The following MASP1 variants were observed in gnomAD, a reference collection of about 807,000 sequenced individuals.
MASP1 encodes mannan-binding lectin serine protease 1.
MASP1 carries 59 observed loss-of-function variants against 77.1 expected under a neutral mutation model. The observed-to-expected ratio is 0.77, with a 90% CI of 0.62 to 0.95. The LOEUF (loss-of-function observed/expected upper bound fraction) is 0.95, where lower values mean the gene tolerates loss of function less well. Ranked by LOEUF, MASP1 falls within the 40% of genes least tolerant of loss-of-function variation. The pLI is 0.00. For synonymous variants in MASP1, 362 were observed against 354.5 expected (o/e 1.02, Z -0.24); for missense variants, 885 against 912.9 (o/e 0.97, Z 0.39).
chr3:187,291,691 G>A lies in MASP1; in HGVS notation c.-59C>T. 1 of 1,609,874 alleles carries A rather than the reference G, an allele frequency of 6.2e-7. No homozygotes were observed. On this transcript the variant is annotated 5_prime_UTR_variant, in exon 1 of 11. Transcript: ENST00000296280. ...TTGGTCCTCCCAGCTTGACTTGCCT[G>A]TGAGCTCGTGCCCGGTGTGGTGTCC...
chr3:187,226,203 T>A (rs773466143), intron 12 of MASP1: 2 of 592,572 alleles, frequency 3.4e-6, no homozygotes, highest in Non-Finnish European at 6.1e-6. Context: ...AACTGAAGCA[T>A]AGACTTCAAT....
chr3:187,219,997 G>A, exon 16 of MASP1: 1 of 1,507,472 alleles, frequency 6.6e-7, no homozygotes. Flanking sequence ...AGGAGAAATG[G>A]CTGCTTTCAT....
At chr3:187,225,557 G>T (rs1712375823) in intron 12 of MASP1, 1 of 1,594,330 alleles carries the variant, frequency 6.3e-7, no homozygotes, top group African/African-American at 1.3e-5. Context: ...GGAGGATAAG[G>T]TCACACCTTG....
chr3:187,250,249 A>G lies in MASP1; in HGVS notation c.1090+2T>C. ...TTATAACAACCCATTAGGCTTTCTT[A>G]CTTTTACAGGTGGGAATCTTGTTAC... On this transcript the variant is annotated splice_donor_variant, in intron 8 of 10. Transcript: ENST00000296280. LOFTEE classifies it high-confidence loss of function. 6.2e-7 allele frequency: 1 copy of G among 1,612,712 alleles called. No individual in the cohort carries two copies. Among genetic ancestry groups the G allele is most frequent in the Non-Finnish European group, 8.5e-7 (1 of 1,178,832 alleles).
At chr3:187,253,493 A>C (rs932521149) in intron 5 of MASP1, among the ~76,000 whole-genome samples, 178 bp from the exon 6 acceptor site, 2 of 152,100 alleles carry the variant, frequency 1.3e-5, no homozygotes, top group Non-Finnish European at 2.9e-5. Flanking sequence ...TTTCATCTTC[A>C]TTCTCTCTTT....
chr3:187,238,448 G>A lies in MASP1; in HGVS notation c.1304-1881C>T, dbSNP rs536695378. 5.0e-4 allele frequency among the ~76,000 whole-genome samples: 76 copies of A among 152,302 alleles called. 2 individuals are homozygous for A. The highest frequency in any genetic ancestry group is 1.7e-3 in the African/African-American group (71 of 41,564). On this transcript the variant is annotated intron_variant, in intron 10 of 10. Coordinates refer to ENST00000296280, the MANE Select transcript of MASP1 (RefSeq NM_139125.4). ...AGGCTGAATGATTCAACAAGCTCTT[G>A]GGAGAGCTCATTGAAATGGGGTCAT...
At chr3:187,243,741 G>T in intron 8 of MASP1, 120 bp from the exon 9 acceptor site, 1 of 1,276,930 alleles carries the variant, frequency 7.8e-7, no homozygotes, top group Non-Finnish European at 1.1e-6. Context: ...AGAAAGCAAT[G>T]TTATAATGCC....
Position 187,285,959 on chromosome 3 carries a change from C to T in MASP1, c.103G>A (p.Gly35Ser), listed in dbSNP as rs377441732. 2 of 1,614,068 alleles carry T rather than the reference C, an allele frequency of 1.2e-6. No homozygotes were observed. ...NNMFGQIQSP[G>S]YPDSYPSDSE... ...TCACTGGGATAGGAGTCTGGATAACCAGGCGACTGGATCTGGCCAAACATA... is the reference window on the plus strand; with the variant it reads ...TCACTGGGATAGGAGTCTGGATAACTAGGCGACTGGATCTGGCCAAACATA... Residue 35 changes from glycine (G) to serine (S), a missense_variant, in exon 2 of 11, where the codon GGT (glycine) becomes AGT (serine). Coordinates refer to ENST00000296280, the MANE Select transcript of MASP1 (RefSeq NM_139125.4).
At chr3:187,282,458 C>T (rs1047481564) in intron 2 of MASP1, among the ~76,000 whole-genome samples, 1 of 147,972 alleles carries the variant, frequency 6.8e-6, no homozygotes, top group Non-Finnish European at 1.5e-5. Context: ...GATCCCGCCA[C>T]TGCACTCCAG....
In MASP1 at chr3:187,243,637, T is replaced by C. The variant is rs1713841238; in HGVS notation, c.1091-16A>G. On this transcript the variant is annotated splice_polypyrimidine_tract_variant and intron_variant, in intron 8 of 10. Transcript: ENST00000296280. Reference sequence around the variant, plus strand: ...CAGTCTACAACTGAGAGAGAAGAAGTGAGACCCCTCAACTGCCTTTTGCTC... The same window carrying C: ...CAGTCTACAACTGAGAGAGAAGAAGCGAGACCCCTCAACTGCCTTTTGCTC... The C allele has an allele frequency of 6.2e-7, 1 of 1,613,938 alleles. No homozygotes were observed. Among genetic ancestry groups the C allele is most frequent in the Non-Finnish European group, 8.5e-7 (1 of 1,180,022 alleles).
chr3:187,224,660 A>T (rs1712298683), intron 13 of MASP1, among the ~76,000 whole-genome samples: 1 of 152,136 alleles, frequency 6.6e-6, no homozygotes, highest in South Asian at 2.1e-4. Context: ...CTGAGTATTA[A>T]GCCATTGTCC....
At position 187,236,511 on chromosome 3, in the gene MASP1, G is replaced by A. The variant is rs1713199524; in HGVS notation, c.1360C>T (p.Arg454Ter). Residue 454 changes from arginine to a stop codon, truncating the protein, a stop_gained, in exon 11 of 11, where the codon CGA (arginine) becomes TGA (stop). Coordinates refer to ENST00000296280, the MANE Select transcript of MASP1 (RefSeq NM_139125.4). LOFTEE classifies it high-confidence loss of function. ...PSLVKRIIGG[R>*]NAEPGLFPWQ... ...GGGAAGAGGCCAGGCTCAGCATTTC[G>A]GCCCCCAATGATCCTCTTGACCAGG... The A allele has an allele frequency of 4.3e-6, 7 of 1,613,814 alleles. No individual in the cohort carries two copies. The highest frequency in any genetic ancestry group is 2.2e-5 in the East Asian group (1 of 44,872).
At chr3:187,233,734 A>G (rs860348), downstream of MASP1, among the ~76,000 whole-genome samples, 1 of 152,234 alleles carries the variant, frequency 6.6e-6, no homozygotes, top group African/African-American at 2.4e-5. Context: ...GACAAGGTCC[A>G]TGTGCCACTG....
intron 2 of MASP1, among the ~76,000 whole-genome samples, chr3:187,271,573 A>C (rs951633236): frequency 6.6e-6 from 1 of 152,240 alleles, no homozygotes; most frequent in Admixed American, 6.5e-5. Context: ...CCTATGTTGA[A>C]AGTACGCATT....
chr3:187,277,203 T>C (rs937110054), intron 2 of MASP1, among the ~76,000 whole-genome samples: 5 of 152,128 alleles, frequency 3.3e-5, no homozygotes, highest in South Asian at 4.2e-4. Flanking sequence ...TCAGCAGCTG[T>C]TTTCTAGGCC....
rs145895854 is a variant in MASP1, at chr3:187,252,923, A to T, written c.892+245T>A. 2.3e-4 allele frequency among the ~76,000 whole-genome samples: 35 copies of T among 152,344 alleles called. No individual in the cohort carries two copies. In the East Asian group the frequency reaches 6.7e-3, roughly 29 times the overall value. The stretch of plus-strand genomic sequence containing the variant: ...TCTTTTTCTTTAATCTCTCTATGCG[A>T]TACTGAAGTACATGTTTTGAAAACC... On this transcript the variant is annotated intron_variant, in intron 6 of 10. Transcript: ENST00000296280.
intron 2 of MASP1, among the ~76,000 whole-genome samples, chr3:187,279,121 A>G (rs1366265966): frequency 6.6e-6 from 1 of 152,228 alleles, no homozygotes; most frequent in Non-Finnish European, 1.5e-5. Flanking sequence ...TTAAATACAG[A>G]GGGATATTCT....
exon 16 of MASP1, chr3:187,220,248 G>T: frequency 6.2e-7 from 1 of 1,614,086 alleles, no homozygotes; most frequent in Non-Finnish European, 8.5e-7. Context: ...CACCCGCACA[G>T]GCGTCCTTTC....
In MASP1 at chr3:187,234,313, T is replaced by G; in HGVS notation, c.*1371A>C. 3.9e-6 allele frequency: 5 copies of G among 1,287,116 alleles called. No individual in the cohort carries two copies. The highest frequency in any genetic ancestry group is 5.1e-6 in the Non-Finnish European group (5 of 988,674). The allele number at this position is 1,287,116 out of a possible 1,614,324, so 79.7% of individuals were successfully genotyped here. ...TCTGGCTGCCTTGCTCTGATGGAGA[T>G]TTTCAGGAGAGAGAGCTCCAGGGAG... On this transcript the variant is annotated 3_prime_UTR_variant, in exon 11 of 11. Coordinates refer to ENST00000296280, the MANE Select transcript of MASP1 (RefSeq NM_139125.4).
Sources: gnomAD v4.1 joint callset for allele counts (sites outside exome capture counted in the v4.1 genomes callset) on GRCh38, gnomAD v4.1.1 for gene constraint, MANE v1.5 for transcripts, NCBI Gene and HGNC (gene_info 2026-07-23, HGNC 2026-07-21) for gene names.